STK39: variants seen among roughly 807,000 people sequenced by gnomAD.
The protein encoded by STK39 is serine/threonine kinase 39.
Under a neutral mutation model 77.8 loss-of-function variants are expected in STK39, and 20 were observed. The observed-to-expected ratio is 0.26, with a 90% CI of 0.18 to 0.37. The LOEUF (loss-of-function observed/expected upper bound fraction) is 0.37, where lower values mean the gene tolerates loss of function less well. STK39 is among the 10% of genes least tolerant of loss of function. The probability of loss-of-function intolerance (pLI) is 1.00; values close to 1 mark genes in which losing one functional copy is unlikely to be tolerated. For synonymous variants in STK39, 246 were observed against 234.1 expected (o/e 1.05, Z -0.47); for missense variants, 479 against 656.5 (o/e 0.73, Z 2.95).
At chr2:168,241,392 G>A (rs1307256338) in intron 1 of STK39, among the ~76,000 whole-genome samples, 1 of 152,194 alleles carries the variant, frequency 6.6e-6, no homozygotes, top group Non-Finnish European at 1.5e-5. Context: ...TGTTCTCGGA[G>A]CCCTCTCATA....
intron 8 of STK39, among the ~76,000 whole-genome samples, chr2:168,134,345 A>T (rs1687777685): frequency 6.6e-6 from 1 of 152,204 alleles, no homozygotes; most frequent in African/African-American, 2.4e-5. Flanking sequence ...ATTCAAGATG[A>T]ATATGATATA....
At chr2:168,035,271 C>T (rs368108429) in intron 14 of STK39, among the ~76,000 whole-genome samples, 24 of 152,292 alleles carry the variant, frequency 1.6e-4, no homozygotes, top group African/African-American at 5.3e-4. Context: ...GCACCTGACA[C>T]GTCATCACCA....
intron 1 of STK39, among the ~76,000 whole-genome samples, chr2:168,232,524 G>A (rs1206817636): frequency 6.6e-6 from 1 of 152,134 alleles, no homozygotes; most frequent in African/African-American, 2.4e-5. Flanking sequence ...CCTAGTCACT[G>A]GAACTTCAAT....
intron 10 of STK39, among the ~76,000 whole-genome samples, chr2:168,116,101 T>C (rs1286217650): frequency 6.6e-6 from 1 of 152,114 alleles, no homozygotes; most frequent in East Asian, 1.9e-4. Context: ...CAAGCATAGA[T>C]TTTTATGGTC....
intron 5 of STK39, among the ~76,000 whole-genome samples, chr2:168,156,978 G>A (rs1688444910): frequency 1.3e-5 from 2 of 152,216 alleles, no homozygotes; most frequent in African/African-American, 2.4e-5. Flanking sequence ...TGCACTTTAT[G>A]AGGGCCAAAG....
intron 17 of STK39, among the ~76,000 whole-genome samples, chr2:167,956,696 A>ACACC (rs776309488): frequency 2.0e-5 from 1 of 48,992 alleles, no homozygotes; most frequent in African/African-American, 8.0e-5. Context: ...ACACACACAC[A>ACACC]CTCTCTCTCT....
intron 2 of STK39, among the ~76,000 whole-genome samples, chr2:168,169,374 C>A (rs1016042663): frequency 6.6e-6 from 1 of 152,122 alleles, no homozygotes; most frequent in African/African-American, 2.4e-5. Context: ...GCCTAGTGTT[C>A]AAAGAAACGA....
chr2:168,196,143 A>G (rs535413823), intron 1 of STK39, among the ~76,000 whole-genome samples: 2 of 152,374 alleles, frequency 1.3e-5, no homozygotes, highest in East Asian at 3.9e-4. Flanking sequence ...TAAGAATAAT[A>G]GCATCTTGGA....
At chr2:168,083,195 C>T (rs910847393) in intron 10 of STK39, among the ~76,000 whole-genome samples, 1 of 150,954 alleles carries the variant, frequency 6.6e-6, no homozygotes, top group Non-Finnish European at 1.5e-5. Context: ...GCATTACCTA[C>T]ATCCTTGGCC....
In STK39 at chr2:168,034,591, C is replaced by T. The variant is rs114436404; in HGVS notation, c.1377-17496G>A. On this transcript the variant is annotated intron_variant, in intron 14 of 17. Transcript: ENST00000355999. ...GAGCACACATGGCACTGATGTTACA[C>T]ACTCTCCAGCATTCAGGAACTCACT... 7.6e-3 allele frequency among the ~76,000 whole-genome samples: 1,151 copies of T among 152,326 alleles called. 9 individuals are homozygous for T. The highest frequency in any genetic ancestry group is 0.025 in the African/African-American group (1,060 of 41,578).
At chr2:168,121,135 CTCT>C (rs1219325010) in intron 10 of STK39, among the ~76,000 whole-genome samples, 1 of 152,204 alleles carries the variant, frequency 6.6e-6, no homozygotes, top group Non-Finnish European at 1.5e-5. Context: ...CCTCTCCGTT[CTCT>C]TCTTCTTCAT....
intron 10 of STK39, among the ~76,000 whole-genome samples, chr2:168,077,783 G>A (rs1288249790): frequency 1.3e-5 from 2 of 151,966 alleles, no homozygotes; most frequent in Non-Finnish European, 2.9e-5. Flanking sequence ...TTACATCCTT[G>A]TAGGGAGTTT....
chr2:168,112,780 G>T (rs1027834127), intron 10 of STK39: 2 of 152,086 alleles, frequency 1.3e-5, no homozygotes, highest in African/African-American at 4.8e-5. Flanking sequence ...CATAGAAAAT[G>T]ATATTTATAC....
Position 168,143,880 on chromosome 2 carries a change from C to G in STK39, c.629-3122G>C, listed in dbSNP as rs182992920. Among the ~76,000 whole-genome samples the G allele has an allele frequency of 5.4e-4, 82 of 152,316 alleles. 1 individual carries two copies. Among genetic ancestry groups the G allele is most frequent in the Non-Finnish European group, 9.8e-4 (67 of 68,028 alleles). Reference sequence around the variant, plus strand: ...TGATCCCATCACCTCCTTGGCCTCACCAGCATTGCCCTTGCACATGATGCT... The same window carrying G: ...TGATCCCATCACCTCCTTGGCCTCAGCAGCATTGCCCTTGCACATGATGCT... On this transcript the variant is annotated intron_variant, in intron 5 of 17. Transcript: ENST00000355999.
intron 5 of STK39, among the ~76,000 whole-genome samples, chr2:168,158,329 T>C (rs1044509068): frequency 6.6e-6 from 1 of 152,202 alleles, no homozygotes. Flanking sequence ...AACCTGAAGT[T>C]TTCCAGTCTG....
At chr2:168,242,594 T>TATATATATATATATAC (rs1558894043) in intron 1 of STK39, among the ~76,000 whole-genome samples, 6 of 93,954 alleles carry the variant, frequency 6.4e-5, no homozygotes, top group African/African-American at 2.5e-4. Context: ...TATATATATA[T>TATATATATATATATAC]ATAAAGAGGC....
chr2:167,972,634 T>C (rs1692379921), intron 16 of STK39, among the ~76,000 whole-genome samples: 1 of 152,218 alleles, frequency 6.6e-6, no homozygotes, highest in African/African-American at 2.4e-5. Context: ...CACAGAAATA[T>C]TGGCCATTTG....
chr2:168,062,606 G>A (rs1685692162), intron 14 of STK39, among the ~76,000 whole-genome samples: 1 of 152,184 alleles, frequency 6.6e-6, no homozygotes, highest in African/African-American at 2.4e-5. Flanking sequence ...ACTCAGAGGG[G>A]TGGAAACTAA....
At chr2:168,024,990 T>G (rs150181966) in intron 14 of STK39, among the ~76,000 whole-genome samples, 1 of 152,208 alleles carries the variant, frequency 6.6e-6, no homozygotes, top group Non-Finnish European at 1.5e-5. Flanking sequence ...GTTGAACAGA[T>G]GAATGAATGC....
Sources: gnomAD v4.1 joint callset for allele counts (sites outside exome capture counted in the v4.1 genomes callset) on GRCh38, gnomAD v4.1.1 for gene constraint, MANE v1.5 for transcripts, NCBI Gene and HGNC (gene_info 2026-07-23, HGNC 2026-07-21) for gene names.